PPFIA1: variants seen among roughly 807,000 people sequenced by gnomAD.
PPFIA1 encodes PPFI scaffold protein A1.
Under a neutral mutation model 149.9 loss-of-function variants are expected in PPFIA1, and 25 were observed. That is an observed-to-expected ratio of 0.17 (90% CI 0.12 to 0.23). The LOEUF is 0.23. Ranked by LOEUF, PPFIA1 falls within the 10% of genes least tolerant of loss-of-function variation. PPFIA1 has a pLI of 1.00. For missense variants in PPFIA1, 1,362 were observed against 1,506.5 expected, an observed-to-expected ratio of 0.90 and a Z score of 1.59; for synonymous variants, 549 against 552.8, an observed-to-expected ratio of 0.99 and a Z score of 0.10.
chr11:70,270,818 C>T lies in PPFIA1; in HGVS notation c.-97C>T, dbSNP rs1174329565. ...GTGGGGCGGGCAGGCGGACGCCGGC[C>T]GCGGGCTGCTTTCGTCGGCTCCCAA... On this transcript the variant is annotated 5_prime_UTR_variant, in exon 1 of 28. Coordinates refer to ENST00000253925, the MANE Select transcript of PPFIA1 (RefSeq NM_003626.5). 1 of 150,008 alleles carries T rather than the reference C, an allele frequency of 6.7e-6. No homozygotes were observed. The highest frequency in any genetic ancestry group is 6.6e-5 in the Admixed American group (1 of 15,100). 9.3% of individuals were successfully genotyped at this position (150,008 alleles called of 1,614,324 possible).
chr11:70,318,405 G>C (rs775358553), intron 2 of PPFIA1, among the ~76,000 whole-genome samples: 2 of 152,166 alleles, frequency 1.3e-5, no homozygotes, highest in Non-Finnish European at 2.9e-5. Flanking sequence ...CGGGTGATCT[G>C]TGTGCCCCAG....
chr11:70,271,950 C>A (rs1366584932), intron 1 of PPFIA1: 1 of 549,700 alleles, frequency 1.8e-6, no homozygotes, highest in Non-Finnish European at 3.2e-6. Flanking sequence ...GATCTTGACC[C>A]CTTCCCTGGA....
At chr11:70,376,694 G>A (rs936377953) in intron 25 of PPFIA1, 94 bp downstream of exon 25, 1 of 1,084,814 alleles carries the variant, frequency 9.2e-7, no homozygotes, top group African/African-American at 1.6e-5. Flanking sequence ...ATTATACTTG[G>A]GACATCATGT....
intron 19 of PPFIA1, among the ~76,000 whole-genome samples, chr11:70,360,226 T>A (rs1380238009): frequency 6.6e-6 from 1 of 152,264 alleles, no homozygotes; most frequent in Non-Finnish European, 1.5e-5. Context: ...TGGAAAAGAC[T>A]TTTTATAAAA....
At chr11:70,382,051 T>G (rs752271596) in intron 26 of PPFIA1, 37 bp from the exon 27 acceptor site, 6 of 1,601,596 alleles carry the variant, frequency 3.7e-6, no homozygotes, top group Non-Finnish European at 5.1e-6. Context: ...AACTGCACGC[T>G]GTGTTTGCAC....
Position 70,352,022 on chromosome 11 carries a change from C to T in PPFIA1, c.2164-2279C>T, listed in dbSNP as rs1440914989. On this transcript the variant is annotated intron_variant, in intron 16 of 27. Transcript: ENST00000253925. Reference sequence around the variant, plus strand: ...AAATCTCTCCCTCATAACTTTCATGCTCTGGTCTGTATTCTGTGCCCCTGT... The same window carrying T: ...AAATCTCTCCCTCATAACTTTCATGTTCTGGTCTGTATTCTGTGCCCCTGT... Among the ~76,000 whole-genome samples the T allele has an allele frequency of 4.6e-5, 7 of 152,332 alleles. No homozygotes were observed. In the East Asian group the frequency reaches 1.4e-3, roughly 29 times the overall value.
chr11:70,372,360 G>C lies in PPFIA1; in HGVS notation c.3011G>C (p.Gly1004Ala). 1.2e-6 allele frequency: 2 copies of C among 1,614,138 alleles called. No homozygotes were observed. Among genetic ancestry groups the C allele is most frequent in the Non-Finnish European group, 1.7e-6 (2 of 1,180,032 alleles). ...LDHLTKKDLR[G>A]QLKMVDSFHR... ...CACTTGACCAAGAAAGACCTTCGAGGGCAGCTGAAAATGGTCGACAGTTTT... is the reference window on the plus strand; with the variant it reads ...CACTTGACCAAGAAAGACCTTCGAGCGCAGCTGAAAATGGTCGACAGTTTT... Residue 1004 changes from glycine (G) to alanine (A), a missense_variant, in exon 22 of 28, where the codon GGG becomes GCG. By Grantham distance (60) the Gly-to-Ala change is moderately conservative. Around this residue, in one of 7 missense-constraint regions of PPFIA1, gnomAD observed 349 missense variants for 373.3 expected, o/e 0.93. Transcript: ENST00000253925.
chr11:70,288,967 GT>G (rs34756873), intron 2 of PPFIA1, among the ~76,000 whole-genome samples: 286 of 124,098 alleles, frequency 2.3e-3, no homozygotes, highest in Non-Finnish European at 2.6e-3. Flanking sequence ...GCATCTGGTT[GT>G]TTTTTTTTTT....
chr11:70,346,921 C>T (rs573282470), intron 15 of PPFIA1, among the ~76,000 whole-genome samples: 4 of 152,164 alleles, frequency 2.6e-5, no homozygotes, highest in Non-Finnish European at 5.9e-5. Context: ...AAACTGCTGT[C>T]TAGTGATCCA....
intron 7 of PPFIA1, 43 bp downstream of exon 7, chr11:70,326,861 GT>G: frequency 6.6e-6 from 10 of 1,517,448 alleles, no homozygotes; most frequent in Non-Finnish European, 9.1e-6. Context: ...GAAGTTGTAT[GT>G]TTGGGACGTT....
Position 70,378,093 on chromosome 11 carries a change from C to T in PPFIA1, c.3448C>T (p.Arg1150Cys). Residue 1150 changes from arginine to cysteine, a missense_variant, in exon 26 of 28, where the codon CGT (arginine) becomes TGT (cysteine). Physicochemically the swap from Arg to Cys is radical, Grantham distance 180. Around this residue, in one of 7 missense-constraint regions of PPFIA1, gnomAD observed 349 missense variants for 373.3 expected, o/e 0.93. Transcript: ENST00000253925. ...WRKKFRPKDI[R>C]GLAAGSAETL... ...AAAAAAGTTTAGACCAAAGGACATT[C>T]GTGGCTTAGCTGCTGGGTCAGCAGA... 1 of 1,614,126 alleles carries T rather than the reference C, an allele frequency of 6.2e-7. No individual in the cohort carries two copies. Among genetic ancestry groups the T allele is most frequent in the Non-Finnish European group, 8.5e-7 (1 of 1,180,006 alleles).
intron 2 of PPFIA1, among the ~76,000 whole-genome samples, chr11:70,295,880 T>C (rs1208045884): frequency 2.2e-5 from 3 of 136,234 alleles, no homozygotes; most frequent in Non-Finnish European, 3.2e-5. Flanking sequence ...TCCTCACTTC[T>C]CAGACGGGGC....
intron 2 of PPFIA1, among the ~76,000 whole-genome samples, chr11:70,299,247 A>T (rs760858188): frequency 4.0e-5 from 6 of 151,726 alleles, no homozygotes; most frequent in Non-Finnish European, 8.8e-5. Context: ...TCAAAAGAAA[A>T]GAAAGAAACA....
intron 21 of PPFIA1, chr11:70,365,590 G>A (rs2056883022): frequency 2.8e-6 from 1 of 358,192 alleles, no homozygotes; most frequent in African/African-American, 2.1e-5. Context: ...TGTGTAAGTA[G>A]AATTTGTATT....
rs1296139136 is a variant in PPFIA1 at position 70,383,048 on chromosome 11, A to G, written c.*58A>G. The G allele has an allele frequency of 1.5e-5, 6 of 412,044 alleles. No homozygotes were observed. The highest frequency in any genetic ancestry group is 2.8e-5 in the Non-Finnish European group (6 of 213,526). 25.5% of individuals were successfully genotyped at this position (412,044 alleles called of 1,614,324 possible). A position where few individuals can be genotyped will look rare whatever the true frequency, so the allele number is the denominator to read the frequency against. Reference sequence around the variant, plus strand: ...AGATGATTATGCAGCATTTGAATCCAACAAAGACTACATTTTGGAATCCAG... The same window carrying G: ...AGATGATTATGCAGCATTTGAATCCGACAAAGACTACATTTTGGAATCCAG... On this transcript the variant is annotated 3_prime_UTR_variant, in exon 28 of 28. Transcript: ENST00000253925.
At chr11:70,349,101 G>C (rs1050539284) in intron 16 of PPFIA1, among the ~76,000 whole-genome samples, 1 of 148,166 alleles carries the variant, frequency 6.7e-6, no homozygotes, top group Non-Finnish European at 1.5e-5. Context: ...CTTTCCTTTC[G>C]GAGTGCCCAA....
At chr11:70,299,400 A>C (rs1360487672) in intron 2 of PPFIA1, among the ~76,000 whole-genome samples, 2 of 152,166 alleles carry the variant, frequency 1.3e-5, no homozygotes. Context: ...ACTGGCAGGC[A>C]TTAGGGATTT....
chr11:70,333,456 GT>G lies in PPFIA1; in HGVS notation c.1213-11del. 1 of 1,609,136 alleles carries G rather than the reference GT, an allele frequency of 6.2e-7. No individual in the cohort carries two copies. Among genetic ancestry groups the G allele is most frequent in the Non-Finnish European group, 8.5e-7 (1 of 1,177,144 alleles). On this transcript the variant is annotated splice_polypyrimidine_tract_variant and intron_variant, in intron 9 of 27. Coordinates refer to ENST00000253925, the MANE Select transcript of PPFIA1 (RefSeq NM_003626.5). ...TGTAAGGATGACGTCAGCGTACGCT[GT>G]TTCTGCTGACAGGCTGAAGAGAGAC...
intron 9 of PPFIA1, among the ~76,000 whole-genome samples, chr11:70,332,434 A>G (rs184063400): frequency 5.8e-4 from 89 of 152,320 alleles, no homozygotes; most frequent in Non-Finnish European, 8.2e-4. Context: ...AAATAGGAAG[A>G]TGCCGTTCTT....
Sources: allele counts gnomAD v4.1 joint callset (sites outside exome capture counted in the v4.1 genomes callset), GRCh38; gene constraint gnomAD v4.1.1; regional missense constraint gnomAD v4.1.1; transcripts MANE v1.5; gene names NCBI Gene and HGNC (gene_info 2026-07-23, HGNC 2026-07-21).